DCAF4: variants seen among roughly 807,000 people sequenced by gnomAD.
DCAF4 encodes the protein DDB1 and CUL4 associated factor 4.
In DCAF4, 37 loss-of-function variants were observed where a neutral mutation model predicts 60.9. The ratio of observed to expected loss-of-function variants is 0.61; its 90% CI spans 0.47 to 0.80. The LOEUF (loss-of-function observed/expected upper bound fraction) is 0.80, where lower values mean the gene tolerates loss of function less well. DCAF4 is among the 30% of genes least tolerant of loss of function. The pLI, the probability that DCAF4 is intolerant of heterozygous loss-of-function variation, is 0.00. For synonymous variants in DCAF4, 243 were observed against 254.8 expected, an observed-to-expected ratio of 0.95 and a Z score of 0.44; for missense variants, 577 against 650.0, an observed-to-expected ratio of 0.89 and a Z score of 1.22.
chr14:72,931,502 C>T (rs1000555627), intron 1 of DCAF4, among the ~76,000 whole-genome samples: 4 of 152,082 alleles, frequency 2.6e-5, no homozygotes, highest in Middle Eastern at 3.2e-3. Context: ...TATATAAGAT[C>T]ATGTTTGGTT....
At position 72,926,559 on chromosome 14, in the gene DCAF4, C is replaced by T. The variant is rs1458435792; in HGVS notation, c.-9+16C>T. 1.3e-5 allele frequency: 2 copies of T among 152,042 alleles called. No individual in the cohort carries two copies. The highest frequency in any genetic ancestry group is 4.8e-5 in the African/African-American group (2 of 41,416). The allele number at this position is 152,042 out of a possible 1,614,324, so 9.4% of individuals were successfully genotyped here. A position where few individuals can be genotyped will look rare whatever the true frequency, so the allele number is the denominator to read the frequency against. On this transcript the variant is annotated intron_variant, in intron 1 of 13. Transcript: ENST00000358377. ...CGCTGAACAGGTAAGACTGTGCTGC[C>T]TGGGGTGCCTACTGGCATCGATTCG...
At chr14:72,961,465 G>T (rs1892817879), downstream of DCAF4, among the ~76,000 whole-genome samples, 1 of 152,160 alleles carries the variant, frequency 6.6e-6, no homozygotes, top group Admixed American at 6.5e-5. Context: ...TGTACCATTT[G>T]GTCCAATTGA....
At chr14:72,943,542 G>A (rs1890328196) in intron 6 of DCAF4, among the ~76,000 whole-genome samples, 2 of 152,130 alleles carry the variant, frequency 1.3e-5, no homozygotes, top group South Asian at 4.1e-4. Context: ...GCCGCCCCTG[G>A]CTTCAGTGGC....
rs76866015 is a variant in DCAF4, at chr14:72,948,119, A to T, written c.728+928A>T. Among the ~76,000 whole-genome samples, 1,508 of 152,322 alleles carry T rather than the reference A, an allele frequency of 9.9e-3. 21 individuals are homozygous for T. Among genetic ancestry groups the T allele is most frequent in the African/African-American group, 0.034 (1,414 of 41,556 alleles). ...ACATCATTGGTCCTCGACAAATGAT[A>T]ACTGAATCAGGATCTTTTTTGTAAA... On this transcript the variant is annotated intron_variant, in intron 8 of 13. Transcript: ENST00000358377.
chr14:72,954,612 C>A, intron 11 of DCAF4, 129 bp downstream of exon 11: 1 of 874,246 alleles, frequency 1.1e-6, no homozygotes, highest in Non-Finnish European at 1.8e-6. Flanking sequence ...CAGAAAGGAT[C>A]AGTGGGTTCC....
chr14:72,954,544 T>A (rs1892018486), intron 11 of DCAF4, 61 bp downstream of exon 11: 2 of 1,521,224 alleles, frequency 1.3e-6, no homozygotes, highest in Non-Finnish European at 1.8e-6. Context: ...TTTGGCCAGA[T>A]TGAAATTGGA....
intron 1 of DCAF4, among the ~76,000 whole-genome samples, chr14:72,933,411 G>A (rs931473992): frequency 6.6e-6 from 1 of 152,044 alleles, no homozygotes; most frequent in Non-Finnish European, 1.5e-5. Context: ...ATACAAAAAT[G>A]AGCCAGGCAT....
Position 72,938,075 on chromosome 14 carries a change from G to C in DCAF4, c.92+5G>C. 2 of 1,600,612 alleles carry C rather than the reference G, an allele frequency of 1.2e-6. No individual in the cohort carries two copies. Among genetic ancestry groups the C allele is most frequent in the Non-Finnish European group, 1.7e-6 (2 of 1,176,194 alleles). On this transcript the variant is annotated splice_donor_5th_base_variant and intron_variant, in intron 2 of 13. Transcript: ENST00000358377. The stretch of plus-strand genomic sequence containing the variant: ...ACTCCGTGATTCTGAAGACAGGCAA[G>C]TGTGCCGCTCTGGGGAGCCACTTTT...
At chr14:72,951,703 A>G in intron 8 of DCAF4, 95 bp from the exon 9 acceptor site, 2 of 1,147,374 alleles carry the variant, frequency 1.7e-6, no homozygotes, top group Admixed American at 3.4e-5. Flanking sequence ...ACTCTGGCCT[A>G]GGTTGTGTGC....
intron 1 of DCAF4, among the ~76,000 whole-genome samples, chr14:72,933,059 A>G (rs1295931964): frequency 6.6e-6 from 1 of 152,170 alleles, no homozygotes; most frequent in East Asian, 1.9e-4. Context: ...CTTGCTGAAG[A>G]ATGTGTGGAA....
intron 1 of DCAF4, among the ~76,000 whole-genome samples, chr14:72,936,099 AG>A (rs1889227610): frequency 6.6e-6 from 1 of 152,092 alleles, no homozygotes; most frequent in African/African-American, 2.4e-5. Context: ...TTTTCCTACC[AG>A]TCTTAACACT....
Position 72,945,911 on chromosome 14 carries a change from A to G in DCAF4, c.562A>G (p.Thr188Ala). Residue 188 changes from threonine to alanine, a missense_variant, in exon 7 of 14, where the codon ACA (threonine) becomes GCA (alanine). Transcript: ENST00000358377. ...LADTNSDRLF[T>A]VNDVKVGGSK... ...AGATACCAACAGTGACCGGCTCTTC[A>G]CAGTGAACGATGTTAAAGTTGGAGG... 3 of 1,614,180 alleles carry G rather than the reference A, an allele frequency of 1.9e-6. No individual in the cohort carries two copies.
At chr14:72,944,368 A>G (rs1369988010) in intron 6 of DCAF4, among the ~76,000 whole-genome samples, 1 of 152,228 alleles carries the variant, frequency 6.6e-6, no homozygotes, top group Non-Finnish European at 1.5e-5. Context: ...GTACAGTTTC[A>G]CCAAAACCAA....
intron 8 of DCAF4, 68 bp from the exon 9 acceptor site, chr14:72,951,730 G>T: frequency 6.7e-7 from 1 of 1,497,510 alleles, no homozygotes; most frequent in Admixed American, 1.7e-5. Context: ...ACTTTCTGAA[G>T]GGTAAATGTC....
chr14:72,935,719 G>A (rs1015703624), intron 1 of DCAF4, among the ~76,000 whole-genome samples: 15 of 152,220 alleles, frequency 9.9e-5, no homozygotes, highest in African/African-American at 3.6e-4. Flanking sequence ...TGCTGATTGT[G>A]CAGCCCCCTA....
At chr14:72,930,109 G>A (rs1490858357) in intron 1 of DCAF4, among the ~76,000 whole-genome samples, 1 of 152,218 alleles carries the variant, frequency 6.6e-6, no homozygotes, top group Non-Finnish European at 1.5e-5. Flanking sequence ...TCAGCCAAAA[G>A]GGGGGTAGGA....
At position 72,958,648 on chromosome 14, in the gene DCAF4, A is replaced by G; in HGVS notation, c.1331A>G (p.His444Arg). 1 of 1,614,180 alleles carries G rather than the reference A, an allele frequency of 6.2e-7. No homozygotes were observed. ...TGCTACACGAGAATCTGGAGCCTCC[A>G]CGATGCCCGCCTACTGAGAACCATA... ...QDCYTRIWSL[H>R]DARLLRTIPS... The change falls in exon 14 of 14, where the codon CAC becomes CGC. Residue 444 changes from histidine (H) to arginine (R), a missense_variant. His to Arg is a conservative substitution (Grantham distance 29). Coordinates refer to ENST00000358377, the MANE Select transcript of DCAF4 (RefSeq NM_015604.4).
rs1594795972 is a variant in DCAF4, at chr14:72,953,727, A to AT, written c.809-437_809-436insT. Among the ~76,000 whole-genome samples, 122 of 47,356 alleles carry AT rather than the reference A, an allele frequency of 2.6e-3. 5 individuals are homozygous for AT. Among genetic ancestry groups the AT allele is most frequent in the Non-Finnish European group, 2.8e-3 (73 of 26,262 alleles). 31.1% of individuals were successfully genotyped at this position (47,356 alleles called of 152,430 possible). A position where few individuals can be genotyped will look rare whatever the true frequency, so the allele number is the denominator to read the frequency against. On this transcript the variant is annotated intron_variant, in intron 9 of 13. Coordinates refer to ENST00000358377, the MANE Select transcript of DCAF4 (RefSeq NM_015604.4). ...CCTGTCTTAAAAAAAAAAAAAAAAAAAAAAAATATATATATATATATATAT... is the reference window on the plus strand; with the variant it reads ...CCTGTCTTAAAAAAAAAAAAAAAAAATAAAAAATATATATATATATATATAT...
chr14:72,956,535 CA>C (rs1243975345), intron 13 of DCAF4, 35 bp downstream of exon 13: 6 of 1,572,038 alleles, frequency 3.8e-6, no homozygotes, highest in Non-Finnish European at 4.3e-6. Flanking sequence ...TCCACCCCAT[CA>C]AATACTGTCT....
Sources: allele counts gnomAD v4.1 joint callset (sites outside exome capture counted in the v4.1 genomes callset), GRCh38; gene constraint gnomAD v4.1.1; transcripts MANE v1.5; gene names NCBI Gene and HGNC (gene_info 2026-07-23, HGNC 2026-07-21).